SURF4: variants seen among roughly 807,000 people sequenced by gnomAD.
SURF4 encodes the protein surfeit 4.
A neutral mutation model predicts 30.0 loss-of-function variants in SURF4; 3 were observed. The ratio of observed to expected loss-of-function variants is 0.10; its 90% CI spans 0.05 to 0.26. SURF4 has a LOEUF of 0.26. Among genes scored for constraint, SURF4 ranks in the 10% least tolerant of loss-of-function variants. SURF4 has a pLI of 1.00. For missense variants in SURF4, 217 were observed against 350.8 expected, an observed-to-expected ratio of 0.62 and a Z score of 3.05; for synonymous variants, 143 against 139.9, an observed-to-expected ratio of 1.02 and a Z score of -0.16.
chr9:133,364,888 C>T lies in SURF4; in HGVS notation c.495G>A (p.Leu165=). Residue 165 remains leucine, a synonymous_variant, in exon 5 of 6, where the codon CTG becomes CTA. Transcript: ENST00000371989. ...QYMQLGGRVL[L]VLMFMTLLHF... is the part of the protein sequence containing the mutation. ...GAAGGAGGGTCATGAACATCAGAAC[C>T]AGCAAGACCCTGCCTCCGAGCTGCA... 1 of 1,614,064 alleles carries T rather than the reference C, an allele frequency of 6.2e-7. No individual in the cohort carries two copies. Among genetic ancestry groups the T allele is most frequent in the Non-Finnish European group, 8.5e-7 (1 of 1,179,984 alleles).
chr9:133,366,104 G>C, intron 3 of SURF4, 76 bp from the exon 4 acceptor site: 6 of 1,431,942 alleles, frequency 4.2e-6, no homozygotes, highest in Non-Finnish European at 5.9e-6. Flanking sequence ...TAATACATTA[G>C]GCCGTCTCTC....
In SURF4 at chr9:133,363,151, C is replaced by T; in HGVS notation, c.*342G>A. On this transcript the variant is annotated 3_prime_UTR_variant, in exon 6 of 6. Transcript: ENST00000371989. The surrounding 1 kb of genome is among the most constrained non-coding windows in gnomAD (Gnocchi z 4.3). Reference sequence around the variant, plus strand: ...AATACCAATGCGTCTGCTCACAGTACAGCTTGAAGGCCCCCTCCTGTACCC... The same window carrying T: ...AATACCAATGCGTCTGCTCACAGTATAGCTTGAAGGCCCCCTCCTGTACCC... 1.8e-6 allele frequency: 1 copy of T among 555,774 alleles called. No individual in the cohort carries two copies. The highest frequency in any genetic ancestry group is 3.2e-6 in the Non-Finnish European group (1 of 309,626). 34.4% of individuals were successfully genotyped at this position (555,774 alleles called of 1,614,324 possible).
intron 2 of SURF4, among the ~76,000 whole-genome samples, 168 bp downstream of exon 2, chr9:133,367,091 A>G (rs1837217204): frequency 1.3e-5 from 2 of 152,210 alleles, no homozygotes; most frequent in Admixed American, 1.3e-4. Context: ...GTCCCCACCA[A>G]GGCTTGCAGA....
intron 4 of SURF4, among the ~76,000 whole-genome samples, chr9:133,365,426 G>A (rs2130117325): frequency 2.0e-5 from 3 of 152,132 alleles, no homozygotes; most frequent in Non-Finnish European, 4.4e-5. Context: ...TATTCTAGGG[G>A]CTCTGCAACA....
chr9:133,364,389 T>C (rs1837031173), intron 5 of SURF4, among the ~76,000 whole-genome samples: 2 of 152,292 alleles, frequency 1.3e-5, no homozygotes, highest in South Asian at 4.1e-4. Context: ...TCTGTTTTAA[T>C]GGGATCAAAA....
At chr9:133,372,164 A>C (rs2130195009) in intron 1 of SURF4, among the ~76,000 whole-genome samples, 1 of 152,340 alleles carries the variant, frequency 6.6e-6, no homozygotes, top group African/African-American at 2.4e-5. Context: ...ACGTCTCAGC[A>C]GTTTCTACAG....
At chr9:133,366,145 A>G (rs1399535340) in intron 3 of SURF4, 117 bp from the exon 4 acceptor site, 1 of 1,026,982 alleles carries the variant, frequency 9.7e-7, no homozygotes, top group East Asian at 2.4e-5. Context: ...AACACACAAA[A>G]CCATTGTAGG....
In SURF4 at chr9:133,362,402, G is replaced by A. The variant is rs2130074223; in HGVS notation, c.*1091C>T. The A allele has an allele frequency of 5.2e-5, 8 of 152,688 alleles. No homozygotes were observed. The highest frequency in any genetic ancestry group is 1.9e-4 in the African/African-American group (8 of 41,464). The allele number at this position is 152,688 out of a possible 1,614,324, so 9.5% of individuals were successfully genotyped here. On this transcript the variant is annotated 3_prime_UTR_variant, in exon 6 of 6. Coordinates refer to ENST00000371989, the MANE Select transcript of SURF4 (RefSeq NM_033161.4). ...GGTAAGGCATCACAAATTGTAAAAAGGAATTTTGGCTGCATTCGGCATAGC... is the reference window on the plus strand; with the variant it reads ...GGTAAGGCATCACAAATTGTAAAAAAGAATTTTGGCTGCATTCGGCATAGC...
At chr9:133,372,523 G>A in intron 1 of SURF4, 1 of 898,988 alleles carries the variant, frequency 1.1e-6, no homozygotes, top group East Asian at 1.2e-4. Context: ...ACCCGGCCCA[G>A]TGAAAGACTT....
intron 5 of SURF4, 78 bp downstream of exon 5, chr9:133,364,762 G>A: frequency 2.1e-6 from 3 of 1,431,164 alleles, no homozygotes. Flanking sequence ...CAACCAGGGA[G>A]GGGTGAGCAG....
Position 133,363,483 on chromosome 9 carries a change from T to G in SURF4, c.*10A>C, listed in dbSNP as rs2130087320. 8 of 1,614,076 alleles carry G rather than the reference T, an allele frequency of 5.0e-6. No individual in the cohort carries two copies. The African/African-American group carries it at 9.3e-5, about 19-fold the overall frequency. On this transcript the variant is annotated 3_prime_UTR_variant, in exon 6 of 6. Transcript: ENST00000371989. This position sits in a 1 kb window ranked among gnomAD's most constrained non-coding sequence, Gnocchi z 4.3. ...CGGGTCTTAGCCAGGCAGGTAGGGATCTGTGACTGTTACCACTCCTTCTTC... is the reference window on the plus strand; with the variant it reads ...CGGGTCTTAGCCAGGCAGGTAGGGAGCTGTGACTGTTACCACTCCTTCTTC...
At chr9:133,364,396 A>T (rs2130101687) in intron 5 of SURF4, among the ~76,000 whole-genome samples, 2 of 152,202 alleles carry the variant, frequency 1.3e-5, no homozygotes, top group Non-Finnish European at 2.9e-5. Flanking sequence ...TAATGGGATC[A>T]AAAAGTTTGC....
At chr9:133,375,893 G>T in intron 1 of SURF4, 29 bp downstream of exon 1, 1 of 1,221,994 alleles carries the variant, frequency 8.2e-7, no homozygotes. Flanking sequence ...GTCGGGACCG[G>T]GGCCGGGGGA....
chr9:133,374,096 A>G lies in SURF4; in HGVS notation c.48+1826T>C, dbSNP rs2130219943. ...GTTTTCCAGGACAAAGAGCGAGTGTATGTAGCTCTCATCCTTCCCTCAGCT... is the reference window on the plus strand; with the variant it reads ...GTTTTCCAGGACAAAGAGCGAGTGTGTGTAGCTCTCATCCTTCCCTCAGCT... On this transcript the variant is annotated intron_variant, in intron 1 of 5. Coordinates refer to ENST00000371989, the MANE Select transcript of SURF4 (RefSeq NM_033161.4). Among the ~76,000 whole-genome samples, 1,206 of 152,188 alleles carry G rather than the reference A, an allele frequency of 7.9e-3. 17 individuals carry two copies. The highest frequency in any genetic ancestry group is 0.028 in the African/African-American group (1,150 of 41,526).
chr9:133,363,943 C>T lies in SURF4; in HGVS notation c.544-184G>A. On this transcript the variant is annotated intron_variant, in intron 5 of 5. Coordinates refer to ENST00000371989, the MANE Select transcript of SURF4 (RefSeq NM_033161.4). The surrounding 1 kb of genome is among the most constrained non-coding windows in gnomAD (Gnocchi z 4.3). ...CAAAGGGAGGCAGGAGGCAATAAAG[C>T]ACCAGCTTTGAAATGTGGAAGGTTT... 1 of 770,986 alleles carries T rather than the reference C, an allele frequency of 1.3e-6. No individual in the cohort carries two copies. The highest frequency in any genetic ancestry group is 2.6e-4 in the Middle Eastern group (1 of 3,902). 47.8% of individuals were successfully genotyped at this position (770,986 alleles called of 1,614,324 possible). A position where few individuals can be genotyped will look rare whatever the true frequency, so the allele number is the denominator to read the frequency against.
chr9:133,373,428 T>C (rs2130207004), intron 1 of SURF4, among the ~76,000 whole-genome samples: 144,624 of 152,280 alleles, frequency 0.95, 68,767 homozygotes, highest in East Asian at 1. Flanking sequence ...CATGGCAAAA[T>C]GCTGTCTCTA....
intron 3 of SURF4, 168 bp from the exon 4 acceptor site, chr9:133,366,196 T>C: frequency 1.5e-6 from 1 of 648,852 alleles, no homozygotes; most frequent in Non-Finnish European, 2.7e-6. Flanking sequence ...TGGTTCTGTA[T>C]TTCTCAAGAA....
chr9:133,375,350 C>CAA (rs2130235594), intron 1 of SURF4: 94,366 of 985,544 alleles, frequency 0.096, 5,327 homozygotes, highest in African/African-American at 0.24. Flanking sequence ...GGGAGGGAGA[C>CAA]GCAGACAGGG....
chr9:133,375,902 G>A lies in SURF4; in HGVS notation c.48+20C>T, dbSNP rs1327760359. 1.4e-5 allele frequency: 17 copies of A among 1,223,752 alleles called. No individual in the cohort carries two copies. Among genetic ancestry groups the A allele is most frequent in the Admixed American group, 4.3e-5 (1 of 23,228 alleles). 75.8% of individuals were successfully genotyped at this position (1,223,752 alleles called of 1,614,324 possible). On this transcript the variant is annotated intron_variant, in intron 1 of 5. Transcript: ENST00000371989. Reference sequence around the variant, plus strand: ...GCCTGGGTCGGGACCGGGGCCGGGGGAGGAGCCCGCAGGCCGCACCTGGTC... The same window carrying A: ...GCCTGGGTCGGGACCGGGGCCGGGGAAGGAGCCCGCAGGCCGCACCTGGTC...
Sources: gnomAD v4.1 joint callset for allele counts (sites outside exome capture counted in the v4.1 genomes callset) on GRCh38, gnomAD v4.1.1 for gene constraint, Gnocchi (gnomAD v3.1) non-coding constraint, MANE v1.5 for transcripts, NCBI Gene and HGNC (gene_info 2026-07-23, HGNC 2026-07-21) for gene names.